TAFA3: variants seen among roughly 807,000 people sequenced by gnomAD.
The protein encoded by TAFA3 is chemokine-like protein TAFA-3.
A neutral mutation model predicts 20.7 loss-of-function variants in TAFA3; 17 were observed. The observed-to-expected ratio is 0.82, with a 90% CI of 0.56 to 1.23. The LOEUF (loss-of-function observed/expected upper bound fraction) is 1.23. TAFA3 is among the 50% of genes most tolerant of loss of function. TAFA3 has a pLI of 0.00. For missense variants in TAFA3, 174 were observed against 172.8 expected (o/e 1.01, Z -0.04); for synonymous variants, 74 against 71.8 (o/e 1.03, Z -0.16).
intron 1 of TAFA3, among the ~76,000 whole-genome samples, 65 bp downstream of exon 1, chr1:112,719,364 G>A (rs1050639196): frequency 3.9e-5 from 6 of 152,204 alleles, no homozygotes; most frequent in African/African-American, 1.4e-4. Flanking sequence ...GGTTTGTGGG[G>A]AGAGAAGGTG....
intron 3 of TAFA3, 31 bp downstream of exon 3, chr1:112,722,379 G>A: frequency 6.3e-7 from 1 of 1,589,824 alleles, no homozygotes; most frequent in Non-Finnish European, 8.6e-7. Context: ...CCCGGGGAGG[G>A]AGTTTCCCAG....
intron 3 of TAFA3, among the ~76,000 whole-genome samples, chr1:112,722,637 G>A (rs1002134502): frequency 6.6e-6 from 1 of 152,108 alleles, no homozygotes; most frequent in Non-Finnish European, 1.5e-5. Flanking sequence ...TAGCCTCCTG[G>A]CCTAATTCTA....
rs1570857411 is a variant in TAFA3 at position 112,726,891 on chromosome 1, G to C, written c.*251G>C. ...CACACAATTCCTGCCCTTAAGGAAT[G>C]TCCAGTTGAATTGGAGAGTTGATGA... On this transcript the variant is annotated 3_prime_UTR_variant, in exon 6 of 6. Coordinates refer to ENST00000361886, the MANE Select transcript of TAFA3 (RefSeq NM_182759.3). The C allele has an allele frequency of 5.5e-6, 3 of 548,352 alleles. No homozygotes were observed. Among genetic ancestry groups the C allele is most frequent in the Non-Finnish European group, 9.7e-6 (3 of 309,286 alleles). 34.0% of individuals were successfully genotyped at this position (548,352 alleles called of 1,614,324 possible).
intron 2 of TAFA3, 108 bp from the exon 3 acceptor site, chr1:112,722,125 C>T: frequency 4.4e-6 from 5 of 1,140,922 alleles, no homozygotes; most frequent in Non-Finnish European, 6.5e-6. Context: ...CAAGGTGTGC[C>T]TCCTCCCCAT....
In TAFA3 at chr1:112,719,227, GCTGGT is replaced by G. The variant is rs1675273344; in HGVS notation, c.-130_-126del. Among the ~76,000 whole-genome samples, 1 of 152,240 alleles carries G rather than the reference GCTGGT, an allele frequency of 6.6e-6. No homozygotes were observed. Among genetic ancestry groups the G allele is most frequent in the Non-Finnish European group, 1.5e-5 (1 of 68,046 alleles). On this transcript the variant is annotated 5_prime_UTR_variant, in exon 1 of 6. Transcript: ENST00000361886. ...CCTCCCAAAGTCTGTCTTTCGGAGT[GCTGGT>G]CCCTGGCTCAGTGGCAAGGAAGACT...
chr1:112,723,277 T>C, intron 4 of TAFA3, 112 bp downstream of exon 4: 1 of 1,385,546 alleles, frequency 7.2e-7, no homozygotes, highest in South Asian at 1.5e-5. Flanking sequence ...AGGGCTTTCA[T>C]GAGCAGTCTC....
Position 112,723,985 on chromosome 1 carries a change from AGCTGC to A in TAFA3, c.266-27_266-23del, listed in dbSNP as rs770997749. On this transcript the variant is annotated intron_variant, in intron 4 of 5. Transcript: ENST00000361886. The stretch of plus-strand genomic sequence containing the variant: ...CCCACTGTGCTCGTAGAGACCCTAG[AGCTGC>A]ACTCCGCCTCCTGCTCCCACAGCCT... The A allele has an allele frequency of 9.8e-5, 158 of 1,613,740 alleles. 1 individual carries two copies. In the East Asian group the frequency reaches 2.6e-3, roughly 26 times the overall value.
rs748551509 is a variant in TAFA3, at chr1:112,723,073, A to G, written c.173A>G (p.Asn58Ser). ...VIAAHRCCNR[N>S]RIEERSQTVK... ...GCGGCTCACCGCTGCTGCAACCGGA[A>G]CCGCATCGAGGAGCGCTCCCAGACG... Residue 58 changes from asparagine (N) to serine (S), a missense_variant, in exon 4 of 6, where the codon AAC (asparagine) becomes AGC (serine). Transcript: ENST00000361886. The G allele has an allele frequency of 3.7e-6, 6 of 1,613,020 alleles. No individual in the cohort carries two copies. The highest frequency in any genetic ancestry group is 5.1e-6 in the Non-Finnish European group (6 of 1,179,686).
chr1:112,725,760 G>A (rs1334948729), intron 5 of TAFA3, among the ~76,000 whole-genome samples: 1 of 152,238 alleles, frequency 6.6e-6, no homozygotes, highest in Admixed American at 6.5e-5. Context: ...GTACAGAAGA[G>A]TGACACTGCA....
chr1:112,726,615 C>G lies in TAFA3; in HGVS notation c.391-14C>G, dbSNP rs757126704. 3 of 1,613,674 alleles carry G rather than the reference C, an allele frequency of 1.9e-6. No homozygotes were observed. Among genetic ancestry groups the G allele is most frequent in the Non-Finnish European group, 2.5e-6 (3 of 1,179,824 alleles). ...ATTCCCTTCTCTAACCTTACCCTCT[C>G]GCTTCTTCACCAGGTCACACGATAG... On this transcript the variant is annotated splice_polypyrimidine_tract_variant and intron_variant, in intron 5 of 5. Coordinates refer to ENST00000361886, the MANE Select transcript of TAFA3 (RefSeq NM_182759.3).
At chr1:112,723,872 G>A in intron 4 of TAFA3, 141 bp from the exon 5 acceptor site, 1 of 1,561,474 alleles carries the variant, frequency 6.4e-7, no homozygotes, top group South Asian at 1.2e-5. Flanking sequence ...TGGGCAGCCT[G>A]GAGTAGGGGA....
At chr1:112,723,759 T>C (rs1042734614) in intron 4 of TAFA3, among the ~76,000 whole-genome samples, 1 of 152,068 alleles carries the variant, frequency 6.6e-6, no homozygotes, top group Non-Finnish European at 1.5e-5. Flanking sequence ...TTAGAGACAT[T>C]TTTGCCTGCC....
rs1050525412 is a variant in TAFA3, at chr1:112,719,024, A to C, written c.-335A>C. 6.6e-6 allele frequency among the ~76,000 whole-genome samples: 1 copy of C among 152,214 alleles called. No homozygotes were observed. The highest frequency in any genetic ancestry group is 2.4e-5 in the African/African-American group (1 of 41,450). On this transcript the variant is annotated 5_prime_UTR_variant, in exon 1 of 6. Coordinates refer to ENST00000361886, the MANE Select transcript of TAFA3 (RefSeq NM_182759.3). ...CCGGCCTGCCGGCAGGAACCTTGGAAAAAACCCGGCTGAGTTCTGCAGAGC... is the reference window on the plus strand; with the variant it reads ...CCGGCCTGCCGGCAGGAACCTTGGACAAAACCCGGCTGAGTTCTGCAGAGC...
rs368960593 is a variant in TAFA3 at position 112,723,840 on chromosome 1, C to A, written c.266-173C>A. On this transcript the variant is annotated intron_variant, in intron 4 of 5. Transcript: ENST00000361886. Reference sequence around the variant, plus strand: ...AGTTGAGAGGGTTACGTCCCCAGGCCTCAGGCTGAGTACTGCCTCTCTGGG... The same window carrying A: ...AGTTGAGAGGGTTACGTCCCCAGGCATCAGGCTGAGTACTGCCTCTCTGGG... The A allele has an allele frequency of 7.6e-6, 10 of 1,314,026 alleles. No homozygotes were observed. In the East Asian group the frequency reaches 1.6e-4, roughly 21 times the overall value. The allele number at this position is 1,314,026 out of a possible 1,614,324, so 81.4% of individuals were successfully genotyped here. A position where few individuals can be genotyped will look rare whatever the true frequency, so the allele number is the denominator to read the frequency against.
In TAFA3 at chr1:112,726,824, A is replaced by G. The variant is rs933991016; in HGVS notation, c.*184A>G. 3.6e-6 allele frequency: 3 copies of G among 834,150 alleles called. No individual in the cohort carries two copies. In the African/African-American group the frequency reaches 5.1e-5, roughly 14 times the overall value. 51.7% of individuals were successfully genotyped at this position (834,150 alleles called of 1,614,324 possible). ...GATATGGATGGATCTGCAATCACAT[A>G]CCTAATGTGGAGCTGGGCTTTTCTG... On this transcript the variant is annotated 3_prime_UTR_variant, in exon 6 of 6. Transcript: ENST00000361886.
chr1:112,727,152 T>C lies in TAFA3; in HGVS notation c.*512T>C, dbSNP rs933550343. 1.2e-5 allele frequency: 2 copies of C among 160,648 alleles called. No homozygotes were observed. The highest frequency in any genetic ancestry group is 2.4e-5 in the African/African-American group (1 of 41,626). 10.0% of individuals were successfully genotyped at this position (160,648 alleles called of 1,614,324 possible). On this transcript the variant is annotated 3_prime_UTR_variant, in exon 6 of 6. Coordinates refer to ENST00000361886, the MANE Select transcript of TAFA3 (RefSeq NM_182759.3). ...GTTGCAGGAAAACACTCTCCCCTTA[T>C]GCCAGACCAGCAGTATCTCATTTGG... is the stretch of plus-strand genomic sequence containing the variant.
chr1:112,723,287 C>T (rs533993733), intron 4 of TAFA3, 122 bp downstream of exon 4: 1 of 1,332,810 alleles, frequency 7.5e-7, no homozygotes, highest in Non-Finnish European at 1.0e-6. Flanking sequence ...TGAGCAGTCT[C>T]AAATGGTGGG....
intron 4 of TAFA3, 32 bp from the exon 5 acceptor site, chr1:112,723,981 C>A (rs1402033495): frequency 1.2e-6 from 2 of 1,613,826 alleles, no homozygotes; most frequent in Non-Finnish European, 1.7e-6. Flanking sequence ...CGTAGAGACC[C>A]TAGAGCTGCA....
At position 112,727,145 on chromosome 1, in the gene TAFA3, C is replaced by T. The variant is rs1047432126; in HGVS notation, c.*505C>T. The T allele has an allele frequency of 6.2e-6, 1 of 161,414 alleles. No individual in the cohort carries two copies. The highest frequency in any genetic ancestry group is 2.4e-5 in the African/African-American group (1 of 41,656). The allele number at this position is 161,414 out of a possible 1,614,324, so 10.0% of individuals were successfully genotyped here. ...TTAACATGTTGCAGGAAAACACTCT[C>T]CCCTTATGCCAGACCAGCAGTATCT... On this transcript the variant is annotated 3_prime_UTR_variant, in exon 6 of 6. Transcript: ENST00000361886.
Sources: gnomAD v4.1 joint callset for allele counts (sites outside exome capture counted in the v4.1 genomes callset) on GRCh38, gnomAD v4.1.1 for gene constraint, MANE v1.5 for transcripts, NCBI Gene and HGNC (gene_info 2026-07-23, HGNC 2026-07-21) for gene names.